Variants in NALF1 observed in about 807,000 individuals in gnomAD.
The protein encoded by NALF1 is family with sequence similarity 155 member A.
Under a neutral mutation model 48.4 loss-of-function variants are expected in NALF1, and 3 were observed. The ratio of observed to expected loss-of-function variants is 0.06; its 90% CI spans 0.03 to 0.16. The LOEUF is 0.16. Among genes scored for constraint, NALF1 ranks in the 10% least tolerant of loss-of-function variants. The pLI is 1.00. For synonymous variants in NALF1, 262 were observed against 245.7 expected, an observed-to-expected ratio of 1.07 and a Z score of -0.62; for missense variants, 526 against 571.5, an observed-to-expected ratio of 0.92 and a Z score of 0.81.
chr13:107,636,965 T>C (rs565885418), intron 1 of NALF1, among the ~76,000 whole-genome samples: 3 of 151,072 alleles, frequency 2.0e-5, no homozygotes, highest in East Asian at 1.9e-4. Context: ...TTAAGAACAG[T>C]GGTCCCATAA....
intron 1 of NALF1, among the ~76,000 whole-genome samples, chr13:107,727,885 T>G (rs1876203893): frequency 6.6e-6 from 1 of 152,156 alleles, no homozygotes; most frequent in Non-Finnish European, 1.5e-5. Flanking sequence ...GAACAGACAC[T>G]TCTCAAAAGA....
At chr13:107,723,911 G>A (rs1326998737) in intron 1 of NALF1, among the ~76,000 whole-genome samples, 4 of 151,942 alleles carry the variant, frequency 2.6e-5, no homozygotes, top group Non-Finnish European at 4.4e-5. Flanking sequence ...CTTATATATT[G>A]TTATATTTAA....
At chr13:107,619,532 T>C (rs904304286) in intron 1 of NALF1, among the ~76,000 whole-genome samples, 4 of 152,214 alleles carry the variant, frequency 2.6e-5, no homozygotes, top group African/African-American at 4.8e-5. Context: ...TGCCTGATAA[T>C]GTAAAACGAA....
chr13:107,793,914 T>C (rs1009385145), intron 1 of NALF1, among the ~76,000 whole-genome samples: 5 of 152,170 alleles, frequency 3.3e-5, no homozygotes, highest in African/African-American at 9.7e-5. Flanking sequence ...AGTGTGACTA[T>C]GAATTTCACT....
chr13:107,411,735 G>A (rs1218318727), intron 1 of NALF1, among the ~76,000 whole-genome samples: 5 of 152,122 alleles, frequency 3.3e-5, no homozygotes, highest in African/African-American at 9.7e-5. Context: ...CCCCTGCAAC[G>A]GCCTCACTAC....
rs76115539 is a variant in NALF1 at position 107,435,094 on chromosome 13, G to A, written c.916-224339C>T. Among the ~76,000 whole-genome samples, 1,400 of 152,152 alleles carry A rather than the reference G, an allele frequency of 9.2e-3. 12 individuals carry two copies. The highest frequency in any genetic ancestry group is 0.024 in the Middle Eastern group (7 of 294). ...ATGATGGGTTTAGTAAGATTTGGGG[G>A]TGGGGGGTAGTCTTAGCAACTTAGC... On this transcript the variant is annotated intron_variant, in intron 1 of 2. Transcript: ENST00000375915.
rs577732517 is a variant in NALF1 at position 107,329,501 on chromosome 13, A to T, written c.916-118746T>A. Reference sequence around the variant, plus strand: ...CTGGCTTCACTCTCTTTTTTTTTTTAAATTTTATTATTATTATACTTTAAG... The same window carrying T: ...CTGGCTTCACTCTCTTTTTTTTTTTTAATTTTATTATTATTATACTTTAAG... On this transcript the variant is annotated intron_variant, in intron 1 of 2. Transcript: ENST00000375915. Among the ~76,000 whole-genome samples, 232 of 150,058 alleles carry T rather than the reference A, an allele frequency of 1.5e-3. 3 individuals carry two copies. Among genetic ancestry groups the T allele is most frequent in the South Asian group, 0.011 (53 of 4,778 alleles).
intron 1 of NALF1, among the ~76,000 whole-genome samples, chr13:107,296,814 A>G (rs1881735760): frequency 6.6e-6 from 1 of 152,110 alleles, no homozygotes; most frequent in Non-Finnish European, 1.5e-5. Flanking sequence ...AAGAGCTGAT[A>G]AAAACACGAT....
intron 1 of NALF1, among the ~76,000 whole-genome samples, chr13:107,565,036 A>G (rs1173091884): frequency 2.0e-5 from 3 of 150,536 alleles, no homozygotes; most frequent in African/African-American, 4.9e-5. Context: ...TATAAACACA[A>G]AGAAGTAGGA....
At chr13:107,723,884 C>T (rs1038688846) in intron 1 of NALF1, among the ~76,000 whole-genome samples, 16 of 152,122 alleles carry the variant, frequency 1.1e-4, no homozygotes, top group African/African-American at 3.9e-4. Flanking sequence ...AGAAACTGTA[C>T]AAAGAGCCCA....
chr13:107,419,034 A>T (rs948330012), intron 1 of NALF1, among the ~76,000 whole-genome samples: 3 of 152,230 alleles, frequency 2.0e-5, no homozygotes, highest in African/African-American at 7.2e-5. Flanking sequence ...ATATAAACAA[A>T]TATAAATAAA....
intron 2 of NALF1, among the ~76,000 whole-genome samples, chr13:107,201,754 C>A (rs1262495357): frequency 6.6e-6 from 1 of 152,102 alleles, no homozygotes; most frequent in East Asian, 1.9e-4. Context: ...TTTCTCAGCC[C>A]ACTTACACAC....
intron 1 of NALF1, among the ~76,000 whole-genome samples, chr13:107,786,993 A>C (rs1240467266): frequency 6.6e-6 from 1 of 152,222 alleles, no homozygotes. Flanking sequence ...AAGTTCAGAG[A>C]GATTCATACC....
At chr13:107,691,911 G>T (rs192816981) in intron 1 of NALF1, among the ~76,000 whole-genome samples, 88 of 152,266 alleles carry the variant, frequency 5.8e-4, no homozygotes, top group African/African-American at 2.1e-3. Context: ...CCATTATTTT[G>T]TGGAACAACT....
chr13:107,479,162 C>T (rs1885216159), intron 1 of NALF1, among the ~76,000 whole-genome samples: 1 of 152,262 alleles, frequency 6.6e-6, no homozygotes, highest in African/African-American at 2.4e-5. Flanking sequence ...GCTGCATGTT[C>T]TGATCCCACT....
At chr13:107,202,571 C>T (rs1879543559) in intron 2 of NALF1, among the ~76,000 whole-genome samples, 1 of 152,066 alleles carries the variant, frequency 6.6e-6, no homozygotes, top group Non-Finnish European at 1.5e-5. Context: ...ACAAAATTAG[C>T]CATCTAAGCA....
intron 1 of NALF1, among the ~76,000 whole-genome samples, chr13:107,692,582 A>G (rs1161381532): frequency 2.6e-5 from 4 of 152,196 alleles, no homozygotes; most frequent in East Asian, 3.8e-4. Flanking sequence ...CTTGCTGCTA[A>G]AGAAACCCAG....
chr13:107,783,238 T>G (rs1430748634), intron 1 of NALF1, among the ~76,000 whole-genome samples: 3 of 37,498 alleles, frequency 8.0e-5, no homozygotes, highest in Middle Eastern at 0.016. Flanking sequence ...GGGAGGGAGG[T>G]GGGGGGGTCA....
intron 1 of NALF1, among the ~76,000 whole-genome samples, chr13:107,803,542 G>A (rs937677381): frequency 1.3e-5 from 2 of 152,122 alleles, no homozygotes; most frequent in East Asian, 1.9e-4. Flanking sequence ...AAAATATCAC[G>A]TTTTTATTTT....
Sources: gnomAD v4.1 joint callset for allele counts (sites outside exome capture counted in the v4.1 genomes callset) on GRCh38, gnomAD v4.1.1 for gene constraint, MANE v1.5 for transcripts, NCBI Gene and HGNC (gene_info 2026-07-23, HGNC 2026-07-21) for gene names.